LARGE1: variants seen among roughly 807,000 people sequenced by gnomAD.
LARGE1 encodes xylosyl- and glucuronyltransferase LARGE1.
A neutral mutation model predicts 87.6 loss-of-function variants in LARGE1; 43 were observed. That is an observed-to-expected ratio of 0.49 (90% confidence interval 0.38 to 0.63). The LOEUF (loss-of-function observed/expected upper bound fraction) is 0.63, where lower values mean the gene tolerates loss of function less well. LARGE1 is among the 30% of genes least tolerant of loss of function. The pLI is 0.00. For missense variants in LARGE1, 802 were observed against 1,000.2 expected, an observed-to-expected ratio of 0.80 and a Z score of 2.67; for synonymous variants, 434 against 394.6, an observed-to-expected ratio of 1.10 and a Z score of -1.18.
chr22:33,267,483 C>CA (rs1215585766), intron 11 of LARGE1, among the ~76,000 whole-genome samples: 7 of 151,574 alleles, frequency 4.6e-5, no homozygotes, highest in Non-Finnish European at 8.8e-5. Flanking sequence ...TCAAATAACT[C>CA]AGAGTTAATG....
chr22:33,682,209 T>C (rs1378191695), intron 2 of LARGE1, among the ~76,000 whole-genome samples: 2 of 152,218 alleles, frequency 1.3e-5, no homozygotes, highest in Non-Finnish European at 2.9e-5. Context: ...ACTCCTCCAG[T>C]TCATGCAGGC....
At chr22:33,762,214 A>C (rs1233831929) in intron 1 of LARGE1, among the ~76,000 whole-genome samples, 1 of 9,944 alleles carries the variant, frequency 1.0e-4, no homozygotes, top group East Asian at 4.7e-3. Flanking sequence ...ATTCTATCTC[A>C]AAAAAAAAAA....
At chr22:33,648,455 C>G (rs2080688802) in intron 3 of LARGE1, among the ~76,000 whole-genome samples, 1 of 152,106 alleles carries the variant, frequency 6.6e-6, no homozygotes, top group African/African-American at 2.4e-5. Flanking sequence ...AAAATTTGCT[C>G]GTTTTGGGCC....
chr22:33,873,455 T>C (rs9607087), intron 1 of LARGE1: 64,531 of 152,144 alleles, frequency 0.42, 14,387 homozygotes, highest in African/African-American at 0.55. Flanking sequence ...CTGAAGGCCG[T>C]GTCGCTCCTG....
chr22:33,490,137 A>G (rs899934532), intron 6 of LARGE1, among the ~76,000 whole-genome samples: 9 of 152,244 alleles, frequency 5.9e-5, no homozygotes, highest in African/African-American at 2.2e-4. Context: ...TGTAAATTAT[A>G]AATAACTTGA....
intron 9 of LARGE1, among the ~76,000 whole-genome samples, chr22:33,368,519 G>C (rs904205670): frequency 3.3e-5 from 4 of 122,852 alleles, no homozygotes; most frequent in African/African-American, 1.1e-4. Flanking sequence ...GGGCAACAGA[G>C]CAAGACTCTT....
intron 6 of LARGE1, among the ~76,000 whole-genome samples, chr22:33,492,058 T>C (rs1195529910): frequency 1.3e-5 from 2 of 152,112 alleles, no homozygotes; most frequent in Admixed American, 6.5e-5. Flanking sequence ...GGTGCCAGAA[T>C]AGTGTTGAAT....
chr22:33,473,919 C>T (rs1277274140), intron 6 of LARGE1, among the ~76,000 whole-genome samples: 2 of 152,196 alleles, frequency 1.3e-5, no homozygotes, highest in Non-Finnish European at 2.9e-5. Context: ...GATACCAAGG[C>T]ACACCTTCTC....
At chr22:33,840,492 A>T (rs1314413852) in intron 1 of LARGE1, among the ~76,000 whole-genome samples, 2 of 152,126 alleles carry the variant, frequency 1.3e-5, no homozygotes, top group African/African-American at 4.8e-5. Flanking sequence ...TTGTTGATTT[A>T]TTTCTCACAC....
intron 1 of LARGE1, among the ~76,000 whole-genome samples, chr22:33,773,545 G>C (rs903267584): frequency 1.3e-5 from 2 of 152,142 alleles, no homozygotes; most frequent in Admixed American, 6.5e-5. Flanking sequence ...CTGCAGTCAA[G>C]ACACATTAGT....
chr22:33,070,628 T>C, the LARGE1 span, among the ~76,000 whole-genome samples: 1 of 152,184 alleles, frequency 6.6e-6, no homozygotes, highest in Non-Finnish European at 1.5e-5. Flanking sequence ...AAAGCTCTTG[T>C]TCTGTGCAAC....
chr22:33,213,141 GGAA>G (rs750527271), intron 11 of LARGE1, among the ~76,000 whole-genome samples: 9 of 152,324 alleles, frequency 5.9e-5, no homozygotes, highest in Admixed American at 3.9e-4. Context: ...AGATTTCAGT[GGAA>G]GAAGGAGTTG....
chr22:33,672,550 G>A (rs1009875755), intron 2 of LARGE1, among the ~76,000 whole-genome samples: 1 of 152,160 alleles, frequency 6.6e-6, no homozygotes, highest in African/African-American at 2.4e-5. Flanking sequence ...CCTAGGAGAG[G>A]ACTTGATACT....
intron 2 of LARGE1, among the ~76,000 whole-genome samples, chr22:33,754,775 G>A (rs2084447633): frequency 6.6e-6 from 1 of 152,190 alleles, no homozygotes; most frequent in South Asian, 2.1e-4. Context: ...TGGCAGGACA[G>A]CAAAAATAGG....
At chr22:33,193,525 A>T (rs1272215319) in intron 11 of LARGE1, among the ~76,000 whole-genome samples, 2 of 152,188 alleles carry the variant, frequency 1.3e-5, no homozygotes, top group Non-Finnish European at 2.9e-5. Flanking sequence ...CATAATATGG[A>T]TGTCGGCCGG....
chr22:33,317,756 T>C (rs1203147917), intron 10 of LARGE1, among the ~76,000 whole-genome samples: 1 of 152,112 alleles, frequency 6.6e-6, no homozygotes, highest in Non-Finnish European at 1.5e-5. Flanking sequence ...AATTAAAAAG[T>C]GACACAACTT....
chr22:33,504,800 TA>T (rs912138971), intron 6 of LARGE1, among the ~76,000 whole-genome samples: 4 of 151,926 alleles, frequency 2.6e-5, no homozygotes, highest in Admixed American at 6.6e-5. Context: ...TACTCACATT[TA>T]AAAAAAATAA....
the LARGE1 span, among the ~76,000 whole-genome samples, chr22:33,114,988 C>G: frequency 6.6e-6 from 1 of 152,130 alleles, no homozygotes; most frequent in East Asian, 1.9e-4. Flanking sequence ...TATGCCTTAC[C>G]TTGGTCTATG....
Position 33,389,302 on chromosome 22 carries a change from T to C in LARGE1, c.893-4998A>G, listed in dbSNP as rs76895487. On this transcript the variant is annotated intron_variant, in intron 7 of 14. Transcript: ENST00000397394. ...CACAGGTGCGTTCCAACCATGTTTATGCCGTTTCCTACAGAGAAAATGCTA... is the reference window on the plus strand; with the variant it reads ...CACAGGTGCGTTCCAACCATGTTTACGCCGTTTCCTACAGAGAAAATGCTA... Among the ~76,000 whole-genome samples, 600 of 152,362 alleles carry C rather than the reference T, an allele frequency of 3.9e-3. 3 individuals are homozygous for C. Among genetic ancestry groups the C allele is most frequent in the African/African-American group, 0.014 (580 of 41,586 alleles).
Sources: gnomAD v4.1 joint callset for allele counts (sites outside exome capture counted in the v4.1 genomes callset) on GRCh38, gnomAD v4.1.1 for gene constraint, MANE v1.5 for transcripts, NCBI Gene and HGNC (gene_info 2026-07-23, HGNC 2026-07-21) for gene names.